The following SDK1 variants were observed in gnomAD, a reference collection of about 807,000 sequenced individuals.
SDK1 encodes the protein sidekick cell adhesion molecule 1.
SDK1 carries 157 observed loss-of-function variants against 245.5 expected under a neutral mutation model. The observed-to-expected ratio is 0.64, with a 90% CI of 0.56 to 0.73. The LOEUF (loss-of-function observed/expected upper bound fraction) is 0.73, where lower values mean the gene tolerates loss of function less well. SDK1 is among the 30% of genes least tolerant of loss of function. The pLI is 0.00. For synonymous variants in SDK1, 1,647 were observed against 1,278.5 expected (o/e 1.29, Z -6.15); for missense variants, 3,583 against 3,002.3 (o/e 1.19, Z -4.52).
intron 1 of SDK1, among the ~76,000 whole-genome samples, chr7:3,317,619 C>G (rs377614383): frequency 6.6e-6 from 1 of 152,104 alleles, no homozygotes; most frequent in African/African-American, 2.4e-5. Flanking sequence ...CCTTCCCTAC[C>G]TGTATTAAGA....
chr7:4,061,875 C>T (rs1389231035), intron 19 of SDK1, among the ~76,000 whole-genome samples: 5 of 150,412 alleles, frequency 3.3e-5, no homozygotes, highest in Non-Finnish European at 5.9e-5. Flanking sequence ...AGTAAACTAT[C>T]GCAAGAACAA....
chr7:4,226,605 C>T (rs1271977544), intron 40 of SDK1, among the ~76,000 whole-genome samples: 3 of 152,216 alleles, frequency 2.0e-5, no homozygotes, highest in Non-Finnish European at 4.4e-5. Flanking sequence ...AGAGGGCGCT[C>T]CATGAGTGTG....
chr7:3,532,323 A>G (rs7791215), intron 1 of SDK1, among the ~76,000 whole-genome samples: 37,387 of 151,806 alleles, frequency 0.25, 4,776 homozygotes, highest in East Asian at 0.33. Flanking sequence ...AAGAAAGAGT[A>G]TTCTTTAATG....
At chr7:3,984,043 T>C (rs556179943) in intron 13 of SDK1, among the ~76,000 whole-genome samples, 125 of 152,324 alleles carry the variant, frequency 8.2e-4, no homozygotes, top group African/African-American at 2.8e-3. Flanking sequence ...TAAAAAATCT[T>C]TTTACATCCC....
At chr7:3,903,763 C>G (rs1781870955) in intron 5 of SDK1, among the ~76,000 whole-genome samples, 1 of 152,106 alleles carries the variant, frequency 6.6e-6, no homozygotes, top group African/African-American at 2.4e-5. Context: ...AATTTGATCT[C>G]CCGTGTTGGA....
chr7:4,159,172 A>G (rs982731069), intron 31 of SDK1, among the ~76,000 whole-genome samples: 1 of 152,234 alleles, frequency 6.6e-6, no homozygotes, highest in African/African-American at 2.4e-5. Context: ...GCAGCGTTTC[A>G]TCATCATTCC....
At position 4,163,155 on chromosome 7, in the gene SDK1, A is replaced by C. The variant is rs562772101; in HGVS notation, c.4800+1299A>C. Among the ~76,000 whole-genome samples, 61 of 152,288 alleles carry C rather than the reference A, an allele frequency of 4.0e-4. No homozygotes were observed. In the East Asian group the frequency reaches 0.01, roughly 26 times the overall value. The stretch of plus-strand genomic sequence containing the variant: ...AGGCCAGAATGGGGGCTGCTGTGCC[A>C]GGGAGCTGGGAACATAGTGGGATGG... On this transcript the variant is annotated intron_variant, in intron 32 of 44. Transcript: ENST00000404826.
intron 35 of SDK1, among the ~76,000 whole-genome samples, chr7:4,187,463 C>T (rs547244278): frequency 6.6e-4 from 101 of 152,354 alleles, no homozygotes; most frequent in South Asian, 4.6e-3. Flanking sequence ...TGACACCCTG[C>T]AGCGGTGACC....
intron 4 of SDK1, among the ~76,000 whole-genome samples, chr7:3,732,170 C>T (rs984812529): frequency 8.5e-5 from 13 of 152,212 alleles, no homozygotes; most frequent in African/African-American, 2.7e-4. Context: ...TGGGCTTTCT[C>T]TGTGTTGAAG....
intron 4 of SDK1, among the ~76,000 whole-genome samples, chr7:3,714,009 C>T (rs1468435103): frequency 1.3e-5 from 2 of 152,130 alleles, no homozygotes; most frequent in African/African-American, 2.4e-5. Flanking sequence ...CCACAAACAT[C>T]GAAATATCAG....
At chr7:3,741,069 G>C (rs1229625250) in intron 4 of SDK1, among the ~76,000 whole-genome samples, 3 of 152,168 alleles carry the variant, frequency 2.0e-5, no homozygotes, top group African/African-American at 7.2e-5. Context: ...GGTGTCTGTG[G>C]ATTATAGAAA....
chr7:3,440,553 T>C (rs1780166068), intron 1 of SDK1, among the ~76,000 whole-genome samples: 1 of 152,188 alleles, frequency 6.6e-6, no homozygotes, highest in African/African-American at 2.4e-5. Context: ...TCAGTGCTTG[T>C]GTTCAAGTAA....
intron 4 of SDK1, among the ~76,000 whole-genome samples, chr7:3,666,185 A>C (rs1019107056): frequency 6.6e-6 from 1 of 152,188 alleles, no homozygotes; most frequent in African/African-American, 2.4e-5. Flanking sequence ...AAATCCTTTT[A>C]GTAGTTTCCG....
Position 3,796,858 on chromosome 7 carries a change from A to ATTACATAAAT in SDK1, c.714-24592_714-24591insTTACATAAAT, listed in dbSNP as rs1429354560. ...GAGACTAAAGTTATCAATGTTATAT[A>ATTACATAAAT]GTCAAGTATATTACATAAATTTTAC... On this transcript the variant is annotated intron_variant, in intron 4 of 44. Coordinates refer to ENST00000404826, the MANE Select transcript of SDK1 (RefSeq NM_152744.4). Among the ~76,000 whole-genome samples, 25 of 152,308 alleles carry ATTACATAAAT rather than the reference A, an allele frequency of 1.6e-4. No individual in the cohort carries two copies. In the South Asian group the frequency reaches 5.0e-3, roughly 30 times the overall value.
rs200034994 is a variant in SDK1, at chr7:3,687,056, AACAC to A, written c.713+44992_713+44995del. Among the ~76,000 whole-genome samples the A allele has an allele frequency of 2.2e-3, 295 of 135,216 alleles. 1 individual carries two copies. The highest frequency in any genetic ancestry group is 7.9e-3 in the Middle Eastern group (2 of 254). 88.7% of individuals were successfully genotyped at this position (135,216 alleles called of 152,430 possible). A position where few individuals can be genotyped will look rare whatever the true frequency, so the allele number is the denominator to read the frequency against. On this transcript the variant is annotated intron_variant, in intron 4 of 44. Transcript: ENST00000404826. Reference sequence around the variant, plus strand: ...CCAAACTGGGTTGGGATAGCATCAAAACACACACACACACACACACACACACACA... The same window carrying A: ...CCAAACTGGGTTGGGATAGCATCAAAACACACACACACACACACACACACA...
At chr7:3,600,487 T>G (rs542928174) in intron 1 of SDK1, among the ~76,000 whole-genome samples, 26 of 152,200 alleles carry the variant, frequency 1.7e-4, no homozygotes, top group Middle Eastern at 3.4e-3. Flanking sequence ...CATCCTTGAT[T>G]CATTACCAAG....
At chr7:4,162,340 T>TG (rs768215881) in intron 32 of SDK1, among the ~76,000 whole-genome samples, 1 of 121,404 alleles carries the variant, frequency 8.2e-6, no homozygotes, top group Non-Finnish European at 1.6e-5. Flanking sequence ...TGGGGGTGGG[T>TG]GGTGGTGGTG....
At chr7:3,450,610 G>C (rs1161067899) in intron 1 of SDK1, among the ~76,000 whole-genome samples, 13 of 152,200 alleles carry the variant, frequency 8.5e-5, no homozygotes, top group Admixed American at 1.3e-4. Flanking sequence ...TGGGAAGCTA[G>C]TGAGTTCTGT....
chr7:3,828,926 G>A (rs1043613532), intron 5 of SDK1, among the ~76,000 whole-genome samples: 1 of 151,700 alleles, frequency 6.6e-6, no homozygotes, highest in South Asian at 2.1e-4. Context: ...CAAACCACTG[G>A]GATTACAGGT....
Sources: gnomAD v4.1 joint callset for allele counts (sites outside exome capture counted in the v4.1 genomes callset) on GRCh38, gnomAD v4.1.1 for gene constraint, MANE v1.5 for transcripts, NCBI Gene and HGNC (gene_info 2026-07-23, HGNC 2026-07-21) for gene names.